Variants in AHCYL2 observed in about 807,000 individuals in gnomAD.
AHCYL2 encodes S-adenosylhomocysteine hydrolase-like protein 2.
In AHCYL2, 28 loss-of-function variants were observed where a neutral mutation model predicts 81.4. The observed-to-expected ratio is 0.34, with a 90% CI of 0.25 to 0.47. The LOEUF is 0.47. Ranked by LOEUF, AHCYL2 falls within the 20% of genes least tolerant of loss-of-function variation. The pLI, the probability that AHCYL2 is intolerant of heterozygous loss-of-function variation, is 1.00. For synonymous variants in AHCYL2, 272 were observed against 290.2 expected (o/e 0.94, Z 0.64); for missense variants, 551 against 785.1 (o/e 0.70, Z 3.56).
chr7:129,392,406 C>G (rs1795513235), intron 4 of AHCYL2, among the ~76,000 whole-genome samples: 1 of 152,210 alleles, frequency 6.6e-6, no homozygotes, highest in South Asian at 2.1e-4. Flanking sequence ...ATGGCGCTTT[C>G]TATGTGCCCT....
chr7:129,285,735 T>C (rs1336399388), intron 1 of AHCYL2, among the ~76,000 whole-genome samples: 2 of 148,456 alleles, frequency 1.3e-5, no homozygotes, highest in African/African-American at 5.0e-5. Context: ...GGTCTGGCTC[T>C]GTCACCCAGG....
At chr7:129,313,646 G>C (rs1316455285) in intron 1 of AHCYL2, among the ~76,000 whole-genome samples, 1 of 152,124 alleles carries the variant, frequency 6.6e-6, no homozygotes, top group African/African-American at 2.4e-5. Context: ...AACAGATTGG[G>C]ATAGTACAAA....
intron 4 of AHCYL2, among the ~76,000 whole-genome samples, chr7:129,396,101 T>G (rs942063661): frequency 1.3e-5 from 2 of 152,112 alleles, no homozygotes; most frequent in African/African-American, 4.8e-5. Context: ...TTTGTGTGTT[T>G]ATTTGTTCAT....
chr7:129,282,244 G>T, intron 1 of AHCYL2, among the ~76,000 whole-genome samples: 1 of 151,830 alleles, frequency 6.6e-6, no homozygotes, highest in African/African-American at 2.4e-5. Flanking sequence ...GGTTCATTTA[G>T]CATCTTAGAT....
intron 1 of AHCYL2, among the ~76,000 whole-genome samples, chr7:129,378,329 T>C (rs1250933614): frequency 6.6e-6 from 1 of 152,022 alleles, no homozygotes; most frequent in African/African-American, 2.4e-5. Context: ...AAAATAAATT[T>C]ACTTACTAGT....
intron 1 of AHCYL2, among the ~76,000 whole-genome samples, chr7:129,264,353 G>A (rs973616253): frequency 4.6e-5 from 7 of 152,204 alleles, no homozygotes; most frequent in African/African-American, 1.7e-4. Flanking sequence ...AGTTTGAGGT[G>A]TCTGTGGAAC....
intron 1 of AHCYL2, among the ~76,000 whole-genome samples, chr7:129,285,643 A>G (rs1362730769): frequency 1.3e-5 from 2 of 150,064 alleles, no homozygotes; most frequent in African/African-American, 4.9e-5. Flanking sequence ...AAAGTTCTTC[A>G]TGTCCTTTTT....
rs1300574155 is a variant in AHCYL2, at chr7:129,225,352, T to C, written c.276T>C (p.His92=). The C allele has an allele frequency of 3.3e-6, 5 of 1,509,100 alleles. No homozygotes were observed. The South Asian group carries it at 6.0e-5, about 18-fold the overall frequency. 93.5% of individuals were successfully genotyped at this position (1,509,100 alleles called of 1,614,324 possible). A position where few individuals can be genotyped will look rare whatever the true frequency, so the allele number is the denominator to read the frequency against. ...CGGCCATGAAGCGGAGCGACCCACA[T>C]CACCAGCACCAGCGGCACCGCGACG... ...QASAMKRSDP[H]HQHQRHRDGG... The change falls in exon 1 of 17, where the codon CAT becomes CAC. Residue 92 remains histidine, a synonymous_variant. Coordinates refer to ENST00000325006, the MANE Select transcript of AHCYL2 (RefSeq NM_015328.4).
intron 1 of AHCYL2, among the ~76,000 whole-genome samples, chr7:129,254,060 G>C (rs536158347): frequency 4.6e-5 from 7 of 152,234 alleles, no homozygotes; most frequent in African/African-American, 1.7e-4. Context: ...TACAGAATAA[G>C]AATTCAAGTT....
intron 1 of AHCYL2, among the ~76,000 whole-genome samples, chr7:129,324,912 T>C (rs1157639775): frequency 1.3e-5 from 2 of 152,254 alleles, no homozygotes; most frequent in African/African-American, 4.8e-5. Context: ...ACCTCCTTCA[T>C]GTGATATTAC....
intron 1 of AHCYL2, chr7:129,377,527 T>A (rs1794744054): frequency 2.2e-6 from 1 of 456,560 alleles, no homozygotes; most frequent in Admixed American, 2.3e-5. Context: ...ACTCATTAGT[T>A]ACCTCTAACT....
At chr7:129,292,007 A>G (rs920066860) in intron 1 of AHCYL2, among the ~76,000 whole-genome samples, 7 of 152,054 alleles carry the variant, frequency 4.6e-5, no homozygotes, top group Non-Finnish European at 2.9e-5. Flanking sequence ...CCATCATTTC[A>G]TGGTTGGTAT....
intron 1 of AHCYL2, among the ~76,000 whole-genome samples, chr7:129,257,540 G>A (rs982797627): frequency 5.3e-5 from 8 of 152,176 alleles, no homozygotes; most frequent in African/African-American, 1.9e-4. Context: ...GTTCCTTACT[G>A]GTGGAAGTAT....
intron 1 of AHCYL2, among the ~76,000 whole-genome samples, chr7:129,312,074 G>A (rs780804212): frequency 5.9e-5 from 9 of 151,812 alleles, no homozygotes; most frequent in Admixed American, 1.3e-4. Flanking sequence ...CTGTAGCCTC[G>A]ACCTCTTGGG....
At chr7:129,327,036 T>G (rs1157744616) in intron 1 of AHCYL2, among the ~76,000 whole-genome samples, 1 of 152,182 alleles carries the variant, frequency 6.6e-6, no homozygotes, top group Non-Finnish European at 1.5e-5. Context: ...CTTTACTATT[T>G]CTCGATCACT....
chr7:129,347,640 T>C (rs1353688194), intron 1 of AHCYL2, among the ~76,000 whole-genome samples: 2 of 152,188 alleles, frequency 1.3e-5, no homozygotes, highest in Admixed American at 1.3e-4. Context: ...TTTTTTGTTT[T>C]TTTGGTTTTT....
At chr7:129,370,485 T>G (rs1483112117) in intron 1 of AHCYL2, among the ~76,000 whole-genome samples, 9 of 152,116 alleles carry the variant, frequency 5.9e-5, no homozygotes, top group South Asian at 2.1e-4. Context: ...GATCACGAGG[T>G]CAGGAGATCA....
intron 1 of AHCYL2, among the ~76,000 whole-genome samples, chr7:129,320,134 C>T (rs1797963366): frequency 6.6e-6 from 1 of 151,938 alleles, no homozygotes; most frequent in Admixed American, 6.6e-5. Flanking sequence ...ATGATAAATC[C>T]ATGTGCTTTT....
chr7:129,300,536 T>C (rs1469588519), intron 1 of AHCYL2, among the ~76,000 whole-genome samples: 1 of 152,240 alleles, frequency 6.6e-6, no homozygotes, highest in African/African-American at 2.4e-5. Flanking sequence ...TAAAAAAATC[T>C]ATTCGTCTGT....
Sources: allele counts gnomAD v4.1 joint callset (sites outside exome capture counted in the v4.1 genomes callset), GRCh38; gene constraint gnomAD v4.1.1; transcripts MANE v1.5; gene names NCBI Gene and HGNC (gene_info 2026-07-23, HGNC 2026-07-21).